UGT1A4: variants seen among roughly 807,000 people sequenced by gnomAD.
The protein encoded by UGT1A4 is UDP glucuronosyltransferase family 1 member A4, also known as UDP-glucuronosyltransferase 1A4.
UGT1A4 carries 32 observed loss-of-function variants against 41.1 expected under a neutral mutation model. The observed-to-expected ratio is 0.78, with a 90% CI of 0.59 to 1.05. The LOEUF is 1.05. Among genes scored for constraint, UGT1A4 ranks in the 50% least tolerant of loss-of-function variants. UGT1A4 has a pLI of 0.00. For missense variants in UGT1A4, 748 were observed against 677.4 expected (o/e 1.10, Z -1.16); for synonymous variants, 283 against 265.1 (o/e 1.07, Z -0.66).
rs1402527560 is a variant in UGT1A4, at chr2:233,772,791, CAT to C, written c.*233_*234del. On this transcript the variant is annotated 3_prime_UTR_variant, in exon 5 of 5. Transcript: ENST00000373409. Reference sequence around the variant, plus strand: ...CCTCTGGTGTCTTTGATCAGGATGACATGTGCCATTTTTCAGAGGACGTGCAG... The same window carrying C: ...CCTCTGGTGTCTTTGATCAGGATGACGTGCCATTTTTCAGAGGACGTGCAG... The C allele has an allele frequency of 3.3e-6, 4 of 1,224,574 alleles. No homozygotes were observed. The highest frequency in any genetic ancestry group is 1.7e-5 in the South Asian group (1 of 59,936). The allele number at this position is 1,224,574 out of a possible 1,614,324, so 75.9% of individuals were successfully genotyped here. A position where few individuals can be genotyped will look rare whatever the true frequency, so the allele number is the denominator to read the frequency against.
chr2:233,737,322 T>C (rs904493315), intron 1 of UGT1A4, among the ~76,000 whole-genome samples: 1 of 152,214 alleles, frequency 6.6e-6, no homozygotes, highest in Admixed American at 6.5e-5. Flanking sequence ...ACTGCTGCAC[T>C]AGCAGTGAGC....
chr2:233,768,399 G>A lies in UGT1A4; in HGVS notation c.1267G>A (p.Asp423Asn). ...TLNVLEMTSE[D>N]LENALKAVIN... ...GAATGTTCTGGAAATGACTTCTGAA[G>A]ATTTAGAAAATGCTCTAAAAGCAGT... Residue 423 changes from aspartate to asparagine, a missense_variant, in exon 4 of 5, where the codon GAT (aspartate) becomes AAT (asparagine). Physicochemically the swap from Asp to Asn is conservative, Grantham distance 23 (BLOSUM62 1). Coordinates refer to ENST00000373409, the MANE Select transcript of UGT1A4 (RefSeq NM_007120.3). 2 of 1,614,194 alleles carry A rather than the reference G, an allele frequency of 1.2e-6. No individual in the cohort carries two copies. Among genetic ancestry groups the A allele is most frequent in the African/African-American group, 2.7e-5 (2 of 75,034 alleles).
chr2:233,757,560 ATG>A lies in UGT1A4; in HGVS notation c.868-9472_868-9471del, dbSNP rs199649558. The stretch of plus-strand genomic sequence containing the variant: ...AATATATATATATATATATATATAT[ATG>A]TATATATGATATAGCTATAGTCTAA... On this transcript the variant is annotated intron_variant, in intron 1 of 4. Transcript: ENST00000373409. 4.4e-3 allele frequency among the ~76,000 whole-genome samples: 540 copies of A among 123,120 alleles called. 38 individuals are homozygous for A. Among genetic ancestry groups the A allele is most frequent in the African/African-American group, 0.017 (503 of 29,340 alleles). 80.8% of individuals were successfully genotyped at this position (123,120 alleles called of 152,430 possible). A position where few individuals can be genotyped will look rare whatever the true frequency, so the allele number is the denominator to read the frequency against.
At chr2:233,737,085 G>C (rs1351233887) in intron 1 of UGT1A4, among the ~76,000 whole-genome samples, 2 of 152,202 alleles carry the variant, frequency 1.3e-5, no homozygotes, top group Non-Finnish European at 2.9e-5. Flanking sequence ...TGTCAGACAG[G>C]GATGTTTAAG....
At chr2:233,730,124 T>C in intron 1 of UGT1A4, 4 of 1,544,442 alleles carry the variant, frequency 2.6e-6, no homozygotes, top group East Asian at 2.4e-5. Flanking sequence ...CTTGTCATAA[T>C]AGCCTTCAGT....
Position 233,736,712 on chromosome 2 carries a change from C to T in UGT1A4, c.867+17025C>T, listed in dbSNP as rs373789864. On this transcript the variant is annotated intron_variant, in intron 1 of 4. Coordinates refer to ENST00000373409, the MANE Select transcript of UGT1A4 (RefSeq NM_007120.3). ...ACAGATGGGGTTTTGGTGTAGATGT[C>T]CTTTTTGTTGATGTTTATGCTGTTC... Among the ~76,000 whole-genome samples, 3 of 152,156 alleles carry T rather than the reference C, an allele frequency of 2.0e-5. No individual in the cohort carries two copies. In the East Asian group the frequency reaches 5.8e-4, roughly 29 times the overall value.
At chr2:233,725,886 G>T (rs2077481662) in intron 1 of UGT1A4, among the ~76,000 whole-genome samples, 1 of 152,018 alleles carries the variant, frequency 6.6e-6, no homozygotes, top group Admixed American at 6.6e-5. Context: ...ATGATTTGTA[G>T]GCAGGTGGGT....
intron 1 of UGT1A4, chr2:233,729,371 T>A (rs1158869339): frequency 1.2e-6 from 2 of 1,613,978 alleles, no homozygotes; most frequent in Non-Finnish European, 1.7e-6. Flanking sequence ...ACCTATGCCA[T>A]TTCGTGGACC....
chr2:233,724,372 T>A (rs2077243468), intron 1 of UGT1A4, among the ~76,000 whole-genome samples: 1 of 143,294 alleles, frequency 7.0e-6, no homozygotes, highest in Admixed American at 6.9e-5. Context: ...ACGGGGTGGC[T>A]GCCGGGCGGA....
At chr2:233,743,214 G>A (rs1433363859) in intron 1 of UGT1A4, 1 of 406,842 alleles carries the variant, frequency 2.5e-6, no homozygotes, top group Non-Finnish European at 4.9e-6. Flanking sequence ...CGGAGTAACT[G>A]CTCTTTGCTA....
At position 233,742,072 on chromosome 2, in the gene UGT1A4, G is replaced by A. The variant is rs147639323; in HGVS notation, c.867+22385G>A. The A allele has an allele frequency of 2.6e-5, 4 of 151,962 alleles. 1 individual carries two copies. Among genetic ancestry groups the A allele is most frequent in the African/African-American group, 9.7e-5 (4 of 41,216 alleles). The allele number at this position is 151,962 out of a possible 1,614,324, so 9.4% of individuals were successfully genotyped here. ...GGATAGTTCTGTGTGGCCTTATGGA[G>A]ATCCTTTTTTTACATTTCCAGGACC... On this transcript the variant is annotated intron_variant, in intron 1 of 4. Coordinates refer to ENST00000373409, the MANE Select transcript of UGT1A4 (RefSeq NM_007120.3).
chr2:233,750,438 G>A (rs1694457559), intron 1 of UGT1A4, among the ~76,000 whole-genome samples: 1 of 151,952 alleles, frequency 6.6e-6, no homozygotes, highest in South Asian at 2.1e-4. Flanking sequence ...ATTTTATGGG[G>A]AGAAATTCAA....
rs745591224 is a variant in UGT1A4, at chr2:233,719,313, C to T, written c.493C>T (p.Leu165=). Residue 165 remains leucine (L), a synonymous_variant, in exon 1 of 5, where the codon CTG becomes TTG. Coordinates refer to ENST00000373409, the MANE Select transcript of UGT1A4 (RefSeq NM_007120.3). Reference sequence around the variant, plus strand: ...CTGTGGGGCGGTGCTGGCTAAGTACCTGTCGATTCCTGCTGTGTTTTTTTG... The same window carrying T: ...CTGTGGGGCGGTGCTGGCTAAGTACTTGTCGATTCCTGCTGTGTTTTTTTG... The part of the protein sequence containing the change: ...NLCGAVLAKY[L]SIPAVFFWRY... 2 of 1,613,954 alleles carry T rather than the reference C, an allele frequency of 1.2e-6. No individual in the cohort carries two copies. Among genetic ancestry groups the T allele is most frequent in the Non-Finnish European group, 8.5e-7 (1 of 1,179,882 alleles).
intron 1 of UGT1A4, among the ~76,000 whole-genome samples, chr2:233,736,317 G>T (rs2078750401): frequency 6.6e-6 from 1 of 152,044 alleles, no homozygotes; most frequent in African/African-American, 2.4e-5. Flanking sequence ...ATTGAATTTT[G>T]TGCATGTGTT....
At chr2:233,750,844 C>G (rs903406800) in intron 1 of UGT1A4, 1 of 151,832 alleles carries the variant, frequency 6.6e-6, no homozygotes, top group African/African-American at 2.4e-5. Flanking sequence ...TAAGGAAATG[C>G]TTGGATGTCC....
At chr2:233,748,126 T>C (rs1272435639) in intron 1 of UGT1A4, 15 of 1,610,568 alleles carry the variant, frequency 9.3e-6, no homozygotes, top group Non-Finnish European at 1.3e-5. Flanking sequence ...GCAAAACAGT[T>C]TTTAAAAATT....
rs1350270227 is a variant in UGT1A4 at position 233,745,087 on chromosome 2, TC to T, written c.868-21941del. On this transcript the variant is annotated intron_variant, in intron 1 of 4. Transcript: ENST00000373409. Reference sequence around the variant, plus strand: ...ATTTGTATTGTTTTTTCATTGCTCTTCCCCCCAAATATTTTTAATCTGCTGT... The same window carrying T: ...ATTTGTATTGTTTTTTCATTGCTCTTCCCCCAAATATTTTTAATCTGCTGT... 1.1e-4 allele frequency among the ~76,000 whole-genome samples: 17 copies of T among 151,820 alleles called. 1 individual carries two copies. Among genetic ancestry groups the T allele is most frequent in the African/African-American group, 4.1e-4 (17 of 41,100 alleles).
intron 1 of UGT1A4, among the ~76,000 whole-genome samples, chr2:233,724,910 T>C (rs1266541545): frequency 3.6e-5 from 5 of 139,534 alleles, no homozygotes; most frequent in Admixed American, 2.1e-4. Flanking sequence ...CTGGGCACCA[T>C]TGAGCACTGA....
chr2:233,724,528 C>G (rs1239231307), intron 1 of UGT1A4, among the ~76,000 whole-genome samples: 1 of 112,802 alleles, frequency 8.9e-6, no homozygotes, highest in African/African-American at 3.8e-5. Flanking sequence ...GATGGGGTCT[C>G]GCCGGGCAGA....
Sources: gnomAD v4.1 joint callset for allele counts (sites outside exome capture counted in the v4.1 genomes callset) on GRCh38, gnomAD v4.1.1 for gene constraint, MANE v1.5 for transcripts, NCBI Gene and HGNC (gene_info 2026-07-23, HGNC 2026-07-21) for gene names.